Variants in CFAP54 observed in about 807,000 individuals in gnomAD.
The protein encoded by CFAP54 is cilia- and flagella-associated protein 54.
In CFAP54, 290 loss-of-function variants were observed where a neutral mutation model predicts 370.4. That is an observed-to-expected ratio of 0.78 (90% confidence interval 0.71 to 0.86). The LOEUF (loss-of-function observed/expected upper bound fraction) is 0.86, where lower values mean the gene tolerates loss of function less well. Among genes scored for constraint, CFAP54 ranks in the 40% least tolerant of loss-of-function variants. The pLI is 0.00. For missense variants in CFAP54, 3,399 were observed against 3,528.7 expected, an observed-to-expected ratio of 0.96 and a Z score of 0.93; for synonymous variants, 1,206 against 1,236.5, an observed-to-expected ratio of 0.98 and a Z score of 0.52.
At chr12:96,677,377 G>A (rs150565404) in intron 39 of CFAP54, among the ~76,000 whole-genome samples, 182 of 152,254 alleles carry the variant, frequency 1.2e-3, no homozygotes, top group African/African-American at 4.2e-3. Flanking sequence ...AGTTTCAACT[G>A]ACTGAGATAT....
chr12:96,661,436 T>C (rs1231728922), intron 38 of CFAP54, among the ~76,000 whole-genome samples: 1 of 152,164 alleles, frequency 6.6e-6, no homozygotes, highest in African/African-American at 2.4e-5. Context: ...TTGGCTTATA[T>C]GATTGTGGAG....
intron 50 of CFAP54, among the ~76,000 whole-genome samples, chr12:96,725,485 A>G (rs1957821328): frequency 6.6e-6 from 1 of 151,810 alleles, no homozygotes; most frequent in African/African-American, 2.4e-5. Flanking sequence ...TTTGTCTGTT[A>G]TTGGTGTATA....
intron 56 of CFAP54, among the ~76,000 whole-genome samples, chr12:96,755,942 AAGCGTG>A (rs75228932): frequency 0.14 from 21,114 of 152,054 alleles, 1,845 homozygotes; most frequent in Middle Eastern, 0.27. Flanking sequence ...CTGGGATTAC[AAGCGTG>A]AGCCACCACG....
At chr12:96,754,296 A>G (rs979815223) in intron 56 of CFAP54, among the ~76,000 whole-genome samples, 1 of 152,168 alleles carries the variant, frequency 6.6e-6, no homozygotes, top group African/African-American at 2.4e-5. Context: ...AGAGATACAT[A>G]CTCATTGAAA....
At chr12:96,520,443 C>T (rs1005043082) in intron 6 of CFAP54, among the ~76,000 whole-genome samples, 15 of 152,212 alleles carry the variant, frequency 9.9e-5, no homozygotes, top group Admixed American at 5.9e-4. Context: ...ACTCGGGAGG[C>T]TGAGGTTGCA....
At chr12:96,830,858 T>C (rs928402158) in intron 66 of CFAP54, among the ~76,000 whole-genome samples, 1 of 151,888 alleles carries the variant, frequency 6.6e-6, no homozygotes, top group Non-Finnish European at 1.5e-5. Context: ...TTTTTTTTAG[T>C]AGCGATAGGG....
At chr12:96,868,713 T>C (rs1960072640) in intron 67 of CFAP54, among the ~76,000 whole-genome samples, 1 of 152,186 alleles carries the variant, frequency 6.6e-6, no homozygotes. Context: ...GAAGACATGG[T>C]AGAAAAGTAA....
At chr12:96,668,599 A>G (rs962117770) in intron 39 of CFAP54, among the ~76,000 whole-genome samples, 49 of 152,182 alleles carry the variant, frequency 3.2e-4, no homozygotes, top group African/African-American at 1.2e-3. Flanking sequence ...CCCATGACAC[A>G]TGGGGATTAT....
intron 66 of CFAP54, among the ~76,000 whole-genome samples, chr12:96,843,776 A>C (rs1959257829): frequency 6.6e-6 from 1 of 152,236 alleles, no homozygotes; most frequent in Non-Finnish European, 1.5e-5. Flanking sequence ...GTTGTGATTC[A>C]TAAATACATA....
At chr12:96,544,210 A>G (rs1316973616) in intron 14 of CFAP54, among the ~76,000 whole-genome samples, 1 of 79,394 alleles carries the variant, frequency 1.3e-5, no homozygotes, top group Non-Finnish European at 2.5e-5. Context: ...TGTTGTCCGC[A>G]GTTCCTGGCT....
At chr12:96,818,138 C>T (rs1361486835) in intron 65 of CFAP54, among the ~76,000 whole-genome samples, 2 of 152,106 alleles carry the variant, frequency 1.3e-5, no homozygotes, top group South Asian at 2.1e-4. Flanking sequence ...TGAACACAAA[C>T]GAATCCAGAT....
intron 8 of CFAP54, 39 bp from the exon 9 acceptor site, chr12:96,527,207 T>G (rs1955392331): frequency 6.8e-7 from 1 of 1,475,178 alleles, no homozygotes; most frequent in Admixed American, 2.3e-5. Context: ...TATAATAGCT[T>G]TAACAAATGG....
At chr12:96,555,423 C>T (rs1373038715) in intron 17 of CFAP54, among the ~76,000 whole-genome samples, 1 of 151,124 alleles carries the variant, frequency 6.6e-6, no homozygotes, top group Admixed American at 6.6e-5. Flanking sequence ...AGAATTCTAG[C>T]CAATGCAAGA....
intron 60 of CFAP54, among the ~76,000 whole-genome samples, chr12:96,770,983 C>G (rs1958454560): frequency 6.6e-6 from 1 of 152,212 alleles, no homozygotes. Context: ...TGAGTGATGC[C>G]TCTGCCCTTC....
At chr12:96,492,563 G>A (rs76347819) in intron 1 of CFAP54, among the ~76,000 whole-genome samples, 1,891 of 152,228 alleles carry the variant, frequency 0.012, 58 homozygotes, top group African/African-American at 0.044. Flanking sequence ...CTTGTGTATT[G>A]TCTGTCTCAT....
intron 19 of CFAP54, among the ~76,000 whole-genome samples, chr12:96,565,688 A>G (rs1592853780): frequency 6.6e-6 from 1 of 152,192 alleles, no homozygotes; most frequent in African/African-American, 2.4e-5. Flanking sequence ...GCACAGATAA[A>G]GGGATTCATC....
chr12:96,853,371 G>A (rs553476436), intron 66 of CFAP54, among the ~76,000 whole-genome samples: 1 of 151,922 alleles, frequency 6.6e-6, no homozygotes, highest in South Asian at 2.1e-4. Flanking sequence ...ATACACACCT[G>A]GTCAGTGACT....
intron 26 of CFAP54, among the ~76,000 whole-genome samples, chr12:96,617,323 G>A (rs1212903754): frequency 6.6e-6 from 1 of 152,190 alleles, no homozygotes. Flanking sequence ...TATCAGGACT[G>A]CAATTGAAGC....
At chr12:96,733,696 C>T (rs1452296184) in intron 50 of CFAP54, among the ~76,000 whole-genome samples, 1 of 152,176 alleles carries the variant, frequency 6.6e-6, no homozygotes, top group Non-Finnish European at 1.5e-5. Context: ...GTAATCCTCA[C>T]ATACTTTCTA....
Sources: gnomAD v4.1 joint callset for allele counts (sites outside exome capture counted in the v4.1 genomes callset) on GRCh38, gnomAD v4.1.1 for gene constraint, MANE v1.5 for transcripts, NCBI Gene and HGNC (gene_info 2026-07-23, HGNC 2026-07-21) for gene names.